TLL1: variants seen among roughly 807,000 people sequenced by gnomAD.
The protein encoded by TLL1 is tolloid-like protein 1.
In TLL1, 49 loss-of-function variants were observed where a neutral mutation model predicts 128.2. That is an observed-to-expected ratio of 0.38 (90% CI 0.30 to 0.48). The LOEUF is 0.48. Among genes scored for constraint, TLL1 ranks in the 20% least tolerant of loss-of-function variants. The probability of loss-of-function intolerance (pLI) is 0.96; values close to 1 mark genes in which losing one functional copy is unlikely to be tolerated. For synonymous variants in TLL1, 454 were observed against 418.8 expected (o/e 1.08, Z -1.03); for missense variants, 1,123 against 1,242.0 (o/e 0.90, Z 1.44).
At chr4:165,931,611 T>G (rs1359474657) in intron 1 of TLL1, among the ~76,000 whole-genome samples, 1 of 150,922 alleles carries the variant, frequency 6.6e-6, no homozygotes, top group Non-Finnish European at 1.5e-5. Flanking sequence ...CCCAGCTACT[T>G]GGGAGGCTGA....
chr4:165,907,502 T>C (rs748018076), intron 1 of TLL1, among the ~76,000 whole-genome samples: 21 of 152,098 alleles, frequency 1.4e-4, no homozygotes, highest in Non-Finnish European at 5.9e-5. Flanking sequence ...ACAGTAAGTA[T>C]ACAGATTAGT....
At chr4:165,892,623 A>G (rs1267759866) in intron 1 of TLL1, among the ~76,000 whole-genome samples, 1 of 152,164 alleles carries the variant, frequency 6.6e-6, no homozygotes, top group Non-Finnish European at 1.5e-5. Flanking sequence ...CTGAATAACT[A>G]TTAATTCATT....
At position 165,931,549 on chromosome 4, in the gene TLL1, C is replaced by G. The variant is rs541971157; in HGVS notation, c.169+57476C>G. 3.3e-5 allele frequency among the ~76,000 whole-genome samples: 5 copies of G among 151,718 alleles called. No individual in the cohort carries two copies. In the South Asian group the frequency reaches 1.0e-3, roughly 32 times the overall value. ...TGGCCAACACGGTGAAACCCCGTCT[C>G]TACTAAAAATACAAAAAAAATTAGC... On this transcript the variant is annotated intron_variant, in intron 1 of 20. Coordinates refer to ENST00000061240, the MANE Select transcript of TLL1 (RefSeq NM_012464.5).
At chr4:165,901,438 A>C (rs1327728893) in intron 1 of TLL1, among the ~76,000 whole-genome samples, 1 of 151,968 alleles carries the variant, frequency 6.6e-6, no homozygotes, top group African/African-American at 2.4e-5. Flanking sequence ...TGTGGATGTC[A>C]TTTTGGTTGA....
At chr4:166,099,668 G>C (rs897198208) in intron 20 of TLL1, 141 bp downstream of exon 20, 1 of 1,171,418 alleles carries the variant, frequency 8.5e-7, no homozygotes, top group African/African-American at 1.6e-5. Flanking sequence ...TAAATGGCTT[G>C]ACAAAATATA....
rs1168572388 is a variant in TLL1, at chr4:166,101,185, T to C, written c.*309T>C. The C allele has an allele frequency of 5.7e-6, 2 of 348,510 alleles. No homozygotes were observed. Among genetic ancestry groups the C allele is most frequent in the Admixed American group, 9.0e-5 (2 of 22,190 alleles). The allele number at this position is 348,510 out of a possible 1,614,324, so 21.6% of individuals were successfully genotyped here. On this transcript the variant is annotated 3_prime_UTR_variant, in exon 21 of 21. Transcript: ENST00000061240. Reference sequence around the variant, plus strand: ...TAGATGCCTCACAATTCAGACAGTTTAATTCAGGAACTGTGACCCTGCAGT... The same window carrying C: ...TAGATGCCTCACAATTCAGACAGTTCAATTCAGGAACTGTGACCCTGCAGT...
At position 165,907,589 on chromosome 4, in the gene TLL1, C is replaced by A. The variant is rs141766423; in HGVS notation, c.169+33516C>A. On this transcript the variant is annotated intron_variant, in intron 1 of 20. Transcript: ENST00000061240. ...TTGAGACGGAGTTTTGATCTTGTTG[C>A]CCAGGCTAGAGTGCAATGGCATGAT... 8.8e-3 allele frequency among the ~76,000 whole-genome samples: 1,306 copies of A among 148,196 alleles called. 20 individuals are homozygous for A. The highest frequency in any genetic ancestry group is 0.031 in the African/African-American group (1,225 of 39,954).
intron 8 of TLL1, among the ~76,000 whole-genome samples, chr4:166,016,424 A>G (rs979628150): frequency 2.0e-5 from 3 of 152,092 alleles, no homozygotes; most frequent in African/African-American, 7.2e-5. Context: ...TGAGAAGCAC[A>G]CTGGAGGTTT....
At chr4:166,026,293 G>A (rs1738487007) in intron 9 of TLL1, among the ~76,000 whole-genome samples, 3 of 152,228 alleles carry the variant, frequency 2.0e-5, no homozygotes, top group Non-Finnish European at 2.9e-5. Flanking sequence ...GGGGGCTGAG[G>A]CAGGAGAATC....
At chr4:166,003,723 TTTATA>T (rs1394860854) in intron 6 of TLL1, among the ~76,000 whole-genome samples, 154 bp downstream of exon 6, 8 of 152,134 alleles carry the variant, frequency 5.3e-5, no homozygotes, top group Non-Finnish European at 2.9e-5. Flanking sequence ...CCATGATGAT[TTTATA>T]TTTTATTTTA....
chr4:165,956,318 A>C (rs1320131633), intron 1 of TLL1, among the ~76,000 whole-genome samples: 1 of 152,058 alleles, frequency 6.6e-6, no homozygotes, highest in Non-Finnish European at 1.5e-5. Context: ...TCCCCACTCT[A>C]ATAAGCCTGA....
chr4:166,047,625 A>G lies in TLL1; in HGVS notation c.1524+4206A>G, dbSNP rs566168536. ...TTAGCTGTCCATCATTCATGCTTCT[A>G]TGTGAATTTATGTCATGGCTTTACC... On this transcript the variant is annotated intron_variant, in intron 12 of 20. Coordinates refer to ENST00000061240, the MANE Select transcript of TLL1 (RefSeq NM_012464.5). Among the ~76,000 whole-genome samples, 10 of 151,960 alleles carry G rather than the reference A, an allele frequency of 6.6e-5. No homozygotes were observed. The South Asian group carries it at 1.0e-3, about 16-fold the overall frequency.
At chr4:166,014,318 C>T (rs752505987) in intron 7 of TLL1, 118 bp from the exon 8 acceptor site, 57 of 1,469,098 alleles carry the variant, frequency 3.9e-5, no homozygotes, top group Middle Eastern at 1.7e-4. Context: ...GCTTAAAGCA[C>T]ACAAGGTGTA....
chr4:165,995,460 C>G (rs1237120123), intron 5 of TLL1, among the ~76,000 whole-genome samples: 1 of 152,156 alleles, frequency 6.6e-6, no homozygotes, highest in African/African-American at 2.4e-5. Context: ...TCAGTATAGT[C>G]AACTAGGGAT....
chr4:166,093,430 G>A (rs1579734902), intron 19 of TLL1, among the ~76,000 whole-genome samples: 2 of 152,180 alleles, frequency 1.3e-5, no homozygotes, highest in African/African-American at 2.4e-5. Flanking sequence ...ACATCTCAGT[G>A]GAGTAAAGAA....
chr4:165,979,415 A>G (rs1736039187), intron 1 of TLL1, among the ~76,000 whole-genome samples: 1 of 152,116 alleles, frequency 6.6e-6, no homozygotes, highest in African/African-American at 2.4e-5. Context: ...ATGAAAAAGA[A>G]AACAGTTTAA....
At chr4:165,881,170 G>A (rs886989533) in intron 1 of TLL1, among the ~76,000 whole-genome samples, 3 of 152,160 alleles carry the variant, frequency 2.0e-5, no homozygotes, top group African/African-American at 7.2e-5. Flanking sequence ...ATCCCCGGGA[G>A]AAACACCATG....
intron 1 of TLL1, among the ~76,000 whole-genome samples, chr4:165,967,005 A>G (rs535430376): frequency 6.6e-6 from 1 of 152,302 alleles, no homozygotes; most frequent in South Asian, 2.1e-4. Flanking sequence ...TTCATCCCTT[A>G]TCTGCAACCG....
rs182257987 is a variant in TLL1, at chr4:165,892,727, T to G, written c.169+18654T>G. Among the ~76,000 whole-genome samples, 180 of 152,332 alleles carry G rather than the reference T, an allele frequency of 1.2e-3. 2 individuals carry two copies. Among genetic ancestry groups the G allele is most frequent in the African/African-American group, 4.3e-3 (177 of 41,570 alleles). Reference sequence around the variant, plus strand: ...AAGGCAGGAAAGCAACCCTGAGAATTATTCTAAACTACTTCACATGTTTGT... The same window carrying G: ...AAGGCAGGAAAGCAACCCTGAGAATGATTCTAAACTACTTCACATGTTTGT... On this transcript the variant is annotated intron_variant, in intron 1 of 20. Transcript: ENST00000061240.
Sources: allele counts gnomAD v4.1 joint callset (sites outside exome capture counted in the v4.1 genomes callset), GRCh38; gene constraint gnomAD v4.1.1; transcripts MANE v1.5; gene names NCBI Gene and HGNC (gene_info 2026-07-23, HGNC 2026-07-21).